The following TGS1 variants were observed in gnomAD, a reference collection of about 807,000 sequenced individuals.
TGS1 encodes the protein trimethylguanosine synthase.
In TGS1, 69 loss-of-function variants were observed where a neutral mutation model predicts 92.2. The observed-to-expected ratio is 0.75, with a 90% CI of 0.62 to 0.91. TGS1 has a LOEUF of 0.91. Among genes scored for constraint, TGS1 ranks in the 40% least tolerant of loss-of-function variants. The pLI is 0.00. For missense variants in TGS1, 1,062 were observed against 1,001.2 expected (o/e 1.06, Z -0.82); for synonymous variants, 345 against 338.1 (o/e 1.02, Z -0.22).
At chr8:55,817,278 A>C (rs937621086) in intron 12 of TGS1, among the ~76,000 whole-genome samples, 1 of 152,124 alleles carries the variant, frequency 6.6e-6, no homozygotes, top group Non-Finnish European at 1.5e-5. Flanking sequence ...CTAATACTTT[A>C]TTTTGGTAGG....
At chr8:55,809,993 CATTAT>C (rs1433462224) in intron 10 of TGS1, among the ~76,000 whole-genome samples, 1 of 152,146 alleles carries the variant, frequency 6.6e-6, no homozygotes, top group African/African-American at 2.4e-5. Flanking sequence ...GGAAAAACAC[CATTAT>C]AAATGTATGA....
At chr8:55,805,263 G>A (rs1202238290) in intron 10 of TGS1, among the ~76,000 whole-genome samples, 1 of 152,056 alleles carries the variant, frequency 6.6e-6, no homozygotes, top group Non-Finnish European at 1.5e-5. Context: ...AACTGTATGA[G>A]TCCACTTACA....
intron 1 of TGS1, among the ~76,000 whole-genome samples, chr8:55,774,251 T>C (rs1674761672): frequency 6.6e-6 from 1 of 152,172 alleles, no homozygotes; most frequent in Admixed American, 6.6e-5. Flanking sequence ...ACATGAAAAA[T>C]AGCTAGTATG....
At chr8:55,779,336 T>C (rs1234679285) in intron 1 of TGS1, among the ~76,000 whole-genome samples, 2 of 152,242 alleles carry the variant, frequency 1.3e-5, no homozygotes, top group African/African-American at 4.8e-5. Context: ...TTGCTGATCT[T>C]TCTGCCTCAA....
Position 55,824,712 on chromosome 8 carries a change from C to T in TGS1, c.*9C>T. 6.2e-7 allele frequency: 1 copy of T among 1,614,022 alleles called. No individual in the cohort carries two copies. Among genetic ancestry groups the T allele is most frequent in the South Asian group, 1.1e-5 (1 of 91,054 alleles). On this transcript the variant is annotated 3_prime_UTR_variant, in exon 13 of 13. Coordinates refer to ENST00000260129, the MANE Select transcript of TGS1 (RefSeq NM_024831.8). ...CAGCCTCTGAAACCTAACTATGCAGCAGTGCGAGGACAAAAGATCATGGAG... is the reference window on the plus strand; with the variant it reads ...CAGCCTCTGAAACCTAACTATGCAGTAGTGCGAGGACAAAAGATCATGGAG...
rs1812040361 is a variant in TGS1 at position 55,796,093 on chromosome 8, A to G, written c.1483A>G (p.Ile495Val). ...RRQIKMKNKH[I>V]FFTKESEKPF... The stretch of plus-strand genomic sequence containing the variant: ...ACAAATAAAGATGAAAAACAAACAC[A>G]TCTTCTTTACCAAAGAGTCAGAAAA... Residue 495 changes from isoleucine (I) to valine (V), a missense_variant, in exon 7 of 13, where the codon ATC becomes GTC. Physicochemically the swap from Ile to Val is conservative, Grantham distance 29 (BLOSUM62 3). Transcript: ENST00000260129. The G allele has an allele frequency of 1.9e-6, 3 of 1,613,166 alleles. No individual in the cohort carries two copies. The highest frequency in any genetic ancestry group is 2.5e-6 in the Non-Finnish European group (3 of 1,179,388).
intron 1 of TGS1, among the ~76,000 whole-genome samples, chr8:55,782,214 T>C (rs907656963): frequency 2.0e-5 from 3 of 151,838 alleles, no homozygotes; most frequent in Admixed American, 6.6e-5. Context: ...AGATTTTTGC[T>C]CTTGTCGCCC....
intron 12 of TGS1, among the ~76,000 whole-genome samples, chr8:55,814,095 A>G (rs548498765): frequency 2.3e-4 from 35 of 152,178 alleles, no homozygotes; most frequent in African/African-American, 8.4e-4. Context: ...CCACAGGTAC[A>G]CAGCACCATG....
At chr8:55,787,213 A>T (rs888507214) in intron 4 of TGS1, among the ~76,000 whole-genome samples, 153 bp downstream of exon 4, 2 of 152,152 alleles carry the variant, frequency 1.3e-5, no homozygotes, top group African/African-American at 2.4e-5. Flanking sequence ...TTTTCATATC[A>T]CAAGTTATCC....
At chr8:55,797,065 A>G (rs1366022173) in intron 7 of TGS1, among the ~76,000 whole-genome samples, 1 of 152,162 alleles carries the variant, frequency 6.6e-6, no homozygotes, top group Non-Finnish European at 1.5e-5. Context: ...TAGGCTAGGT[A>G]GGTGTATTAG....
intron 10 of TGS1, among the ~76,000 whole-genome samples, chr8:55,805,937 C>T (rs1298077683): frequency 6.8e-6 from 1 of 147,886 alleles, no homozygotes; most frequent in Non-Finnish European, 1.5e-5. Context: ...TGGTGTGTGC[C>T]TATAGTCCCA....
At chr8:55,779,992 G>A (rs1426113899) in intron 1 of TGS1, among the ~76,000 whole-genome samples, 1 of 151,050 alleles carries the variant, frequency 6.6e-6, no homozygotes, top group African/African-American at 2.4e-5. Flanking sequence ...AGGTAGCCAG[G>A]ACTACAGGCC....
chr8:55,793,223 T>G (rs1487300352), intron 6 of TGS1, among the ~76,000 whole-genome samples: 1 of 152,192 alleles, frequency 6.6e-6, no homozygotes, highest in African/African-American at 2.4e-5. Context: ...AAATAACAAG[T>G]AAAAAGTAAA....
rs1364799992 is a variant in TGS1, at chr8:55,790,167, T to A, written c.1163-15T>A. ...CCAAGGGGGAAAAGCTACTGCAATA[T>A]TTCTGCCTCTTTAGATTCACAGAAG... On this transcript the variant is annotated splice_polypyrimidine_tract_variant and intron_variant, in intron 4 of 12. Coordinates refer to ENST00000260129, the MANE Select transcript of TGS1 (RefSeq NM_024831.8). 3 of 1,599,490 alleles carry A rather than the reference T, an allele frequency of 1.9e-6. No individual in the cohort carries two copies. Among genetic ancestry groups the A allele is most frequent in the South Asian group, 2.2e-5 (2 of 90,278 alleles).
Position 55,813,107 on chromosome 8 carries a change from G to T in TGS1, c.2428G>T (p.Asp810Tyr). The change falls in exon 12 of 13, where the codon GAT becomes TAT. Residue 810 changes from aspartate to tyrosine, a missense_variant. Coordinates refer to ENST00000260129, the MANE Select transcript of TGS1 (RefSeq NM_024831.8). ...TGTTTATTTTCTTCCAAGAAATGCT[G>T]ATATTGACCAGGTAAGCCATTACTG... ...NIVYFLPRNADIDQVASLAGP... is the reference protein window; with the variant it reads ...NIVYFLPRNAYIDQVASLAGP... 6.2e-7 allele frequency: 1 copy of T among 1,608,222 alleles called. No individual in the cohort carries two copies. The highest frequency in any genetic ancestry group is 1.1e-5 in the South Asian group (1 of 90,642).
intron 7 of TGS1, among the ~76,000 whole-genome samples, chr8:55,797,213 ACTC>A (rs1461785489): frequency 2.6e-5 from 4 of 151,962 alleles, no homozygotes; most frequent in Non-Finnish European, 5.9e-5. Context: ...GAAGCAAACA[ACTC>A]CTTCTTCACA....
intron 1 of TGS1, among the ~76,000 whole-genome samples, chr8:55,775,287 AG>A (rs1275878872): frequency 2.8e-4 from 42 of 152,140 alleles, no homozygotes; most frequent in African/African-American, 9.4e-4. Context: ...AAACTGGGAA[AG>A]AAAGAAGATA....
At chr8:55,821,443 A>G (rs1803630833) in intron 12 of TGS1, among the ~76,000 whole-genome samples, 1 of 152,170 alleles carries the variant, frequency 6.6e-6, no homozygotes, top group Admixed American at 6.5e-5. Flanking sequence ...GAAAACCCCC[A>G]TCTTACCTCC....
chr8:55,813,133 A>G lies in TGS1; in HGVS notation c.2439+15A>G. ...ATATTGACCAGGTAAGCCATTACTG[A>G]AAAACTTCCATGAGTGTCTGTCTTA... On this transcript the variant is annotated intron_variant, in intron 12 of 12. Coordinates refer to ENST00000260129, the MANE Select transcript of TGS1 (RefSeq NM_024831.8). 1 of 1,563,572 alleles carries G rather than the reference A, an allele frequency of 6.4e-7. No homozygotes were observed. Among genetic ancestry groups the G allele is most frequent in the Non-Finnish European group, 8.8e-7 (1 of 1,135,998 alleles).
Sources: gnomAD v4.1 joint callset for allele counts (sites outside exome capture counted in the v4.1 genomes callset) on GRCh38, gnomAD v4.1.1 for gene constraint, MANE v1.5 for transcripts, NCBI Gene and HGNC (gene_info 2026-07-23, HGNC 2026-07-21) for gene names.